TAPBPL: variants seen among roughly 807,000 people sequenced by gnomAD.
TAPBPL encodes the protein tapasin-related protein.
In TAPBPL, 32 loss-of-function variants were observed where a neutral mutation model predicts 44.8. The ratio of observed to expected loss-of-function variants is 0.71; its 90% CI spans 0.54 to 0.96. The LOEUF is 0.96. TAPBPL is among the 40% of genes least tolerant of loss of function. The pLI, the probability that TAPBPL is intolerant of heterozygous loss-of-function variation, is 0.00. For synonymous variants in TAPBPL, 230 were observed against 240.7 expected (o/e 0.96, Z 0.41); for missense variants, 520 against 586.6 (o/e 0.89, Z 1.17).
At chr12:6,463,431 G>A, downstream of TAPBPL, 7 of 1,047,892 alleles carry the variant, frequency 6.7e-6, no homozygotes, top group Non-Finnish European at 8.1e-6. The surrounding 1 kb of genome is among the most constrained non-coding windows in gnomAD (Gnocchi z 4.0). Context: ...GTGCACGGGT[G>A]GTGTGGAGGA....
In TAPBPL at chr12:6,458,871, T is replaced by C. The variant is rs138882385; in HGVS notation, c.1131T>C (p.Gly377=). 5.8e-3 allele frequency: 9,432 copies of C among 1,614,142 alleles called. 43 individuals are homozygous for C. Among genetic ancestry groups the C allele is most frequent in the Non-Finnish European group, 7.0e-3 (8,202 of 1,180,040 alleles). ...SSLTAEPGSA[G]ATYTCQVTHI... is the part of the protein sequence containing the mutation. Reference sequence around the variant, plus strand: ...TCACCGCAGAACCTGGCTCTGCAGGTGCCACTTACACCTGCCAGGTCACAC... The same window carrying C: ...TCACCGCAGAACCTGGCTCTGCAGGCGCCACTTACACCTGCCAGGTCACAC... The change falls in exon 5 of 7, where the codon GGT becomes GGC. Residue 377 remains glycine (G), a synonymous_variant. Coordinates refer to ENST00000266556, the MANE Select transcript of TAPBPL (RefSeq NM_018009.5).
downstream of TAPBPL, chr12:6,466,100 A>C: frequency 1.2e-6 from 2 of 1,611,262 alleles, no homozygotes; most frequent in Non-Finnish European, 8.5e-7. Flanking sequence ...GCAACTCTAA[A>C]GGGTGCTTTG....
At position 6,453,155 on chromosome 12, in the gene TAPBPL, C is replaced by A. The variant is rs376321004; in HGVS notation, c.153C>A (p.Leu51=). ...AGGACGGTGCGCACCGTGGAGCTCT[C>A]GCCAGCAGTGAGGACAGGGCAAGGG... ...LAKDGAHRGA[L]ASSEDRARAS... The change falls in exon 2 of 7, where the codon CTC becomes CTA. Residue 51 remains leucine, a synonymous_variant. Coordinates refer to ENST00000266556, the MANE Select transcript of TAPBPL (RefSeq NM_018009.5). The surrounding 1 kb of genome is among the most constrained non-coding windows in gnomAD (Gnocchi z 4.8). 6.2e-7 allele frequency: 1 copy of A among 1,604,894 alleles called. No individual in the cohort carries two copies. Among genetic ancestry groups the A allele is most frequent in the Admixed American group, 1.7e-5 (1 of 58,132 alleles).
the TAPBPL span, among the ~76,000 whole-genome samples, chr12:6,471,903 G>A: frequency 6.6e-6 from 1 of 152,004 alleles, no homozygotes; most frequent in African/African-American, 2.4e-5. This position sits in a 1 kb window ranked among gnomAD's most constrained non-coding sequence, Gnocchi z 4.0. Flanking sequence ...TGTTTTACAT[G>A]TATTGAAAAT....
rs770316205 is a variant in TAPBPL at position 6,462,072 on chromosome 12, G to T, written c.1330G>T (p.Glu444Ter). The change falls in exon 7 of 7, where the codon GAG becomes TAG. Residue 444 changes from glutamate to a stop codon, truncating the protein, a stop_gained. Coordinates refer to ENST00000266556, the MANE Select transcript of TAPBPL (RefSeq NM_018009.5). LOFTEE classifies it low-confidence loss of function (END_TRUNC). ...TGGGCTGCTTCAGGCTGAACGCTGG[G>T]AGACCACTTCCTGTGCTGACACACA... Reference protein sequence around the residue: ...GLGLLQAERWETTSCADTQSS... With the variant: ...GLGLLQAERW 1.5e-5 allele frequency: 24 copies of T among 1,613,586 alleles called. No homozygotes were observed. The highest frequency in any genetic ancestry group is 8.5e-7 in the Non-Finnish European group (1 of 1,179,652).
intron 5 of TAPBPL, among the ~76,000 whole-genome samples, chr12:6,460,316 A>G (rs1245499180): frequency 9.9e-5 from 15 of 152,110 alleles, no homozygotes. Context: ...CCCAGGCTGG[A>G]GTGCAGTGGC....
chr12:6,468,370 A>G (rs1945682298), downstream of TAPBPL, among the ~76,000 whole-genome samples: 1 of 152,232 alleles, frequency 6.6e-6, no homozygotes, highest in African/African-American at 2.4e-5. Context: ...GGCAGCTTGG[A>G]AAATCACCAA....
downstream of TAPBPL, among the ~76,000 whole-genome samples, chr12:6,468,990 A>C (rs1373559541): frequency 6.6e-6 from 1 of 152,240 alleles, no homozygotes; most frequent in Non-Finnish European, 1.5e-5. Context: ...TTATTTGACT[A>C]ATTACAATAG....
chr12:6,470,898 G>C, downstream of TAPBPL: 1 of 320,074 alleles, frequency 3.1e-6, no homozygotes, highest in African/African-American at 2.8e-5. Context: ...ACCATAGTTT[G>C]CGCTCCAGTC....
At position 6,453,100 on chromosome 12, in the gene TAPBPL, T is replaced by G. The variant is rs1397314613; in HGVS notation, c.98T>G (p.Val33Gly). Residue 33 changes from valine (V) to glycine (G), a missense_variant, in exon 2 of 7, where the codon GTG (valine) becomes GGG (glycine). Transcript: ENST00000266556. This position sits in a 1 kb window ranked among gnomAD's most constrained non-coding sequence, Gnocchi z 4.8. ...PHPAEGQWRAVDVVLDCFLAK... is the reference protein window; with the variant it reads ...PHPAEGQWRAGDVVLDCFLAK... ...CCAGCAGAGGGGCAGTGGCGGGCAG[T>G]GGACGTGGTCCTAGACTGCTTCCTG... 1.9e-6 allele frequency: 3 copies of G among 1,577,746 alleles called. No individual in the cohort carries two copies. The highest frequency in any genetic ancestry group is 1.7e-6 in the Non-Finnish European group (2 of 1,161,558).
chr12:6,468,920 C>T (rs1945698789), downstream of TAPBPL, among the ~76,000 whole-genome samples: 1 of 152,204 alleles, frequency 6.6e-6, no homozygotes, highest in African/African-American at 2.4e-5. Flanking sequence ...ACATACTTCA[C>T]AGGAGCAGTC....
In TAPBPL at chr12:6,453,875, CATGGTGGCGGGT is replaced by C. The variant is rs1172287936; in HGVS notation, c.565+160_565+171del. On this transcript the variant is annotated intron_variant, in intron 3 of 6. Coordinates refer to ENST00000266556, the MANE Select transcript of TAPBPL (RefSeq NM_018009.5). The surrounding 1 kb of genome is among the most constrained non-coding windows in gnomAD (Gnocchi z 4.8). ...TCTACTAATACCAAAATTAGCCGGGCATGGTGGCGGGTGCCTGTAATCCCAGCTACGAGGGAG... is the reference window on the plus strand; with the variant it reads ...TCTACTAATACCAAAATTAGCCGGGCGCCTGTAATCCCAGCTACGAGGGAG... 1.3e-5 allele frequency among the ~76,000 whole-genome samples: 2 copies of C among 151,824 alleles called. No homozygotes were observed. Among genetic ancestry groups the C allele is most frequent in the Admixed American group, 1.3e-4 (2 of 15,246 alleles).
At chr12:6,464,844 G>A (rs1237166842), downstream of TAPBPL, 1 of 1,613,148 alleles carries the variant, frequency 6.2e-7, no homozygotes, top group Admixed American at 1.7e-5. Flanking sequence ...AAGACTCCAG[G>A]ACCTTCCCAC....
At position 6,453,352 on chromosome 12, in the gene TAPBPL, G is replaced by A; in HGVS notation, c.295+55G>A. The A allele has an allele frequency of 6.2e-7, 1 of 1,609,790 alleles. No individual in the cohort carries two copies. On this transcript the variant is annotated intron_variant, in intron 2 of 6. Transcript: ENST00000266556. The surrounding 1 kb of genome is among the most constrained non-coding windows in gnomAD (Gnocchi z 4.8). ...CTCCCGGGCTCCCTCCACCAGGACA[G>A]CCCAGGTCCCGATTACAGCCACACA...
In TAPBPL at chr12:6,457,637, C is replaced by T; in HGVS notation, c.797C>T (p.Ala266Val). 1 of 1,614,156 alleles carries T rather than the reference C, an allele frequency of 6.2e-7. No individual in the cohort carries two copies. The highest frequency in any genetic ancestry group is 1.3e-5 in the African/African-American group (1 of 75,062). Residue 266 changes from alanine to valine, a missense_variant, in exon 4 of 7, where the codon GCC becomes GTC. Coordinates refer to ENST00000266556, the MANE Select transcript of TAPBPL (RefSeq NM_018009.5). ...GCACAACTGGGCATGGCCAGGGATG[C>T]CTCCCTCACCCTGCCCGGCCTCACT... ...EPAQLGMARD[A>V]SLTLPGLTIQ... is the part of the protein sequence containing the mutation.
rs201766426 is a variant in TAPBPL at position 6,453,078 on chromosome 12, G to C, written c.76G>C (p.Ala26Pro). 1.3e-6 allele frequency: 2 copies of C among 1,578,208 alleles called. No homozygotes were observed. The highest frequency in any genetic ancestry group is 2.7e-5 in the African/African-American group (2 of 74,812). ...GCCTTTGTCTGCAGAGCCCCACCCA[G>C]CAGAGGGGCAGTGGCGGGCAGTGGA... ...SGAAETKPHP[A>P]EGQWRAVDVV... Residue 26 changes from alanine (A) to proline (P), a missense_variant, in exon 2 of 7, where the codon GCA becomes CCA. Coordinates refer to ENST00000266556, the MANE Select transcript of TAPBPL (RefSeq NM_018009.5). This position sits in a 1 kb window ranked among gnomAD's most constrained non-coding sequence, Gnocchi z 4.8.
intron 6 of TAPBPL, 54 bp from the exon 7 acceptor site, chr12:6,461,980 G>A (rs988974975): frequency 8.8e-6 from 13 of 1,474,514 alleles, no homozygotes; most frequent in Non-Finnish European, 1.1e-5. Context: ...ACCTGTGCTT[G>A]TTTGCCAGTG....
intron 3 of TAPBPL, among the ~76,000 whole-genome samples, chr12:6,455,121 C>T (rs1403700346): frequency 2.0e-5 from 3 of 152,162 alleles, no homozygotes; most frequent in Non-Finnish European, 4.4e-5. Flanking sequence ...ATATACCCTA[C>T]ACCTAGATCC....
chr12:6,457,702 TCTCTGTAC>T lies in TAPBPL; in HGVS notation c.864_871del (p.Leu289SerfsTer14). ...GACCTACATTTGCCAGATCACCACCTCTCTGTACCGAGCTCAGCAGATCATCCAGCTCA... is the reference window on the plus strand; with the variant it reads ...GACCTACATTTGCCAGATCACCACCTCGAGCTCAGCAGATCATCCAGCTCA... On this transcript the variant is annotated frameshift_variant, in exon 4 of 7. Transcript: ENST00000266556. LOFTEE classifies it high-confidence loss of function. The T allele has an allele frequency of 6.2e-7, 1 of 1,608,380 alleles. No individual in the cohort carries two copies. Among genetic ancestry groups the T allele is most frequent in the Non-Finnish European group, 8.5e-7 (1 of 1,175,994 alleles).
Sources: allele counts gnomAD v4.1 joint callset (sites outside exome capture counted in the v4.1 genomes callset), GRCh38; gene constraint gnomAD v4.1.1; non-coding constraint Gnocchi (gnomAD v3.1); transcripts MANE v1.5; gene names NCBI Gene and HGNC (gene_info 2026-07-23, HGNC 2026-07-21).